DIDO1: variants seen among roughly 807,000 people sequenced by gnomAD.
DIDO1 encodes the protein death inducer-obliterator 1, also known as death-inducer obliterator 1.
Under a neutral mutation model 99.4 loss-of-function variants are expected in DIDO1, and 16 were observed. That is an observed-to-expected ratio of 0.16 (90% CI 0.11 to 0.24). The LOEUF is 0.24. Ranked by LOEUF, DIDO1 falls within the 10% of genes least tolerant of loss-of-function variation. DIDO1 has a pLI of 1.00. For synonymous variants in DIDO1, 1,366 were observed against 1,239.1 expected (o/e 1.10, Z -2.15); for missense variants, 2,996 against 3,014.0 (o/e 0.99, Z 0.14).
intron 1 of DIDO1, among the ~76,000 whole-genome samples, chr20:62,925,108 T>TA (rs1568889339): frequency 6.6e-6 from 1 of 152,118 alleles, no homozygotes; most frequent in Non-Finnish European, 1.5e-5. Context: ...CAGACACACA[T>TA]ACACTAACAG....
chr20:62,894,359 A>G lies in DIDO1; in HGVS notation c.2572+54T>C. On this transcript the variant is annotated intron_variant, in intron 11 of 15. Transcript: ENST00000395343. The surrounding 1 kb of genome is among the most constrained non-coding windows in gnomAD (Gnocchi z 4.4). ...CTTTTAGGAGGTTCAGTGATTTTTA[A>G]CAAAATCAAGTTTAGTCTCAGCTCC... is the stretch of plus-strand genomic sequence containing the variant. 6.3e-7 allele frequency: 1 copy of G among 1,594,206 alleles called. No homozygotes were observed. The highest frequency in any genetic ancestry group is 8.5e-7 in the Non-Finnish European group (1 of 1,171,418).
chr20:62,922,828 G>C (rs2065181194), intron 1 of DIDO1, among the ~76,000 whole-genome samples: 1 of 152,220 alleles, frequency 6.6e-6, no homozygotes, highest in Non-Finnish European at 1.5e-5. Flanking sequence ...GAAGAGAGCG[G>C]GTGACATACT....
rs146466196 is a variant in DIDO1, at chr20:62,881,072, C to T, written c.4884G>A (p.Gly1628=). 0.021 allele frequency: 34,569 copies of T among 1,609,012 alleles called. 494 individuals carry two copies. Among genetic ancestry groups the T allele is most frequent in the Middle Eastern group, 0.07 (420 of 6,030 alleles). The change falls in exon 16 of 16, where the codon GGG becomes GGA. Residue 1628 remains glycine (G), a synonymous_variant. Transcript: ENST00000395343. The surrounding 1 kb of genome is among the most constrained non-coding windows in gnomAD (Gnocchi z 8.3). ...PWASGEKPPA[G]SEQDGWKAEP... ...CTGCCTTCCAGCCGTCCTGCTCGGA[C>T]CCCGCTGGGGGCTTTTCGCCCGAAG...
At chr20:62,910,221 T>C (rs1215164552) in intron 3 of DIDO1, among the ~76,000 whole-genome samples, 1 of 152,208 alleles carries the variant, frequency 6.6e-6, no homozygotes, top group African/African-American at 2.4e-5. Flanking sequence ...TAGCGCATTT[T>C]AGGAGCAAAC....
At chr20:62,890,061 C>G (rs2147382800) in intron 15 of DIDO1, 1 of 985,762 alleles carries the variant, frequency 1.0e-6, no homozygotes, top group East Asian at 1.1e-4. Context: ...TGGGAACACC[C>G]TGCACAGCTA....
At chr20:62,889,636 G>A (rs935420850) in intron 15 of DIDO1, 6 of 985,320 alleles carry the variant, frequency 6.1e-6, no homozygotes, top group Non-Finnish European at 2.4e-6. Flanking sequence ...TTCACCTCCA[G>A]GAGGGCCGGG....
In DIDO1 at chr20:62,881,310, G is replaced by C. The variant is rs777749708; in HGVS notation, c.4646C>G (p.Pro1549Arg). 6.2e-7 allele frequency: 1 copy of C among 1,604,828 alleles called. No individual in the cohort carries two copies. The highest frequency in any genetic ancestry group is 8.5e-7 in the Non-Finnish European group (1 of 1,179,918). The change falls in exon 16 of 16, where the codon CCC becomes CGC. Residue 1549 changes from proline to arginine, a missense_variant. Around this residue, in one of 5 missense-constraint regions of DIDO1, gnomAD observed 1,562 missense variants for 1,412.6 expected, o/e 1.11. Transcript: ENST00000395343. The surrounding 1 kb of genome is among the most constrained non-coding windows in gnomAD (Gnocchi z 8.3). ...QQSADKPASL[P>R]PASQASNHRD... ...GTGGTTTGACGCCTGGCTGGCGGGG[G>C]GCAGTGAGGCGGGCTTGTCTGCAGA...
chr20:62,890,422 C>G lies in DIDO1; in HGVS notation c.3541+538G>C, dbSNP rs957637937. ...AATACAGTACTTTCCAAGGAACGTG[C>G]AAACACAAAATAGCTTGCCAAAGAT... On this transcript the variant is annotated intron_variant, in intron 15 of 15. Coordinates refer to ENST00000395343, the MANE Select transcript of DIDO1 (RefSeq NM_001193369.2). 2.3e-5 allele frequency: 23 copies of G among 989,680 alleles called. No individual in the cohort carries two copies. In the South Asian group the frequency reaches 1.0e-3, roughly 44 times the overall value. The allele number at this position is 989,680 out of a possible 1,614,324, so 61.3% of individuals were successfully genotyped here.
intron 1 of DIDO1, among the ~76,000 whole-genome samples, chr20:62,936,492 T>G (rs1174986642): frequency 6.7e-6 from 1 of 149,002 alleles, no homozygotes; most frequent in African/African-American, 2.5e-5. Flanking sequence ...GAGGCGGAGG[T>G]TGCAGTGAGT....
intron 4 of DIDO1, 74 bp downstream of exon 4, chr20:62,909,625 A>G: frequency 6.4e-7 from 1 of 1,561,146 alleles, no homozygotes; most frequent in Non-Finnish European, 8.7e-7. Flanking sequence ...TCCTGGGAGG[A>G]ATTTCTATCT....
chr20:62,900,858 T>G (rs1282516354), intron 6 of DIDO1, among the ~76,000 whole-genome samples: 2 of 152,202 alleles, frequency 1.3e-5, no homozygotes, highest in African/African-American at 2.4e-5. Context: ...GCTATGCACC[T>G]GAAAACAGAC....
At chr20:62,925,911 C>G (rs2065243336) in intron 1 of DIDO1, among the ~76,000 whole-genome samples, 1 of 152,250 alleles carries the variant, frequency 6.6e-6, no homozygotes, top group African/African-American at 2.4e-5. Flanking sequence ...CCTGCAGCGC[C>G]AGCCGCCCCT....
rs2064519054 is a variant in DIDO1, at chr20:62,896,297, G to A, written c.2150C>T (p.Thr717Ile). 1.9e-6 allele frequency: 3 copies of A among 1,613,774 alleles called. No homozygotes were observed. Among genetic ancestry groups the A allele is most frequent in the East Asian group, 4.5e-5 (2 of 44,904 alleles). ...EKEMFNLFQV[T>I]DNRYKSKYRS... Reference sequence around the variant, plus strand: ...ATATTTACTCTTGTAGCGATTATCTGTAACTTGAAACAAGTTAAACATCTC... The same window carrying A: ...ATATTTACTCTTGTAGCGATTATCTATAACTTGAAACAAGTTAAACATCTC... Residue 717 changes from threonine to isoleucine, a missense_variant, in exon 8 of 16, where the codon ACA (threonine) becomes ATA (isoleucine). Thr to Ile is a moderately conservative substitution (Grantham distance 89). Transcript: ENST00000395343. This position sits in a 1 kb window ranked among gnomAD's most constrained non-coding sequence, Gnocchi z 4.4.
intron 15 of DIDO1, among the ~76,000 whole-genome samples, chr20:62,884,497 T>A (rs1018508968): frequency 6.6e-6 from 1 of 152,236 alleles, no homozygotes; most frequent in African/African-American, 2.4e-5. Context: ...ACAGATTTTC[T>A]TCCCCTTACA....
At chr20:62,935,107 C>A (rs753752596) in intron 1 of DIDO1, among the ~76,000 whole-genome samples, 4 of 152,168 alleles carry the variant, frequency 2.6e-5, no homozygotes, top group Non-Finnish European at 4.4e-5. Context: ...CTCGTTGTTG[C>A]ACCTCCTTCT....
chr20:62,906,126 C>A (rs762955757), intron 5 of DIDO1, 26 bp from the exon 6 acceptor site: 2 of 1,591,912 alleles, frequency 1.3e-6, no homozygotes, highest in South Asian at 1.1e-5. Context: ...AACCCCAAAT[C>A]ATTAAAAAGG....
intron 6 of DIDO1, among the ~76,000 whole-genome samples, chr20:62,903,979 C>A (rs2064744190): frequency 6.6e-6 from 1 of 152,200 alleles, no homozygotes; most frequent in Non-Finnish European, 1.5e-5. Context: ...GCTGAGAGCC[C>A]CTCATTTCCC....
At chr20:62,925,614 T>G (rs2065236805) in intron 1 of DIDO1, among the ~76,000 whole-genome samples, 1 of 152,058 alleles carries the variant, frequency 6.6e-6, no homozygotes, top group South Asian at 2.1e-4. Flanking sequence ...ACTCTAAACT[T>G]ATATATTAAA....
Position 62,883,555 on chromosome 20 carries a change from G to A in DIDO1, c.3542-1141C>T, listed in dbSNP as rs367819790. On this transcript the variant is annotated intron_variant, in intron 15 of 15. Transcript: ENST00000395343. Reference sequence around the variant, plus strand: ...AGAATACAAAAATTGGGCCGGGTACGGTGGCTCACGCCTGTAATCCCAGCA... The same window carrying A: ...AGAATACAAAAATTGGGCCGGGTACAGTGGCTCACGCCTGTAATCCCAGCA... Among the ~76,000 whole-genome samples, 13 of 152,220 alleles carry A rather than the reference G, an allele frequency of 8.5e-5. 1 individual carries two copies. The highest frequency in any genetic ancestry group is 3.9e-4 in the East Asian group (2 of 5,146).
Sources: gnomAD v4.1 joint callset for allele counts (sites outside exome capture counted in the v4.1 genomes callset) on GRCh38, gnomAD v4.1.1 for gene constraint, gnomAD v4.1.1 regional missense constraint, Gnocchi (gnomAD v3.1) non-coding constraint, MANE v1.5 for transcripts, NCBI Gene and HGNC (gene_info 2026-07-23, HGNC 2026-07-21) for gene names.